PODNL1: variants seen among roughly 807,000 people sequenced by gnomAD.
PODNL1 encodes podocan like 1.
In PODNL1, 50 loss-of-function variants were observed where a neutral mutation model predicts 45.1. The observed-to-expected ratio is 1.11, with a 90% CI of 0.88 to 1.40. The LOEUF (loss-of-function observed/expected upper bound fraction) is 1.40, where lower values mean the gene tolerates loss of function less well. Among genes scored for constraint, PODNL1 ranks in the 40% most tolerant of loss-of-function variants. The pLI, the probability that PODNL1 is intolerant of heterozygous loss-of-function variation, is 0.00. For missense variants in PODNL1, 788 were observed against 793.3 expected, an observed-to-expected ratio of 0.99 and a Z score of 0.08; for synonymous variants, 406 against 372.5, an observed-to-expected ratio of 1.09 and a Z score of -1.04.
chr19:13,942,334 A>G (rs151293959), upstream of PODNL1, among the ~76,000 whole-genome samples: 520 of 152,270 alleles, frequency 3.4e-3, 3 homozygotes, highest in African/African-American at 0.012. Context: ...ACATTCCCAG[A>G]ACCAATAAGC....
chr19:13,934,450 C>T, intron 5 of PODNL1, 40 bp from the exon 6 acceptor site: 1 of 1,462,002 alleles, frequency 6.8e-7, no homozygotes, highest in South Asian at 1.4e-5. Flanking sequence ...CTGCCCCTCG[C>T]CTCCTACCAC....
At chr19:13,937,571 G>A (rs917677320) in intron 2 of PODNL1, among the ~76,000 whole-genome samples, 2 of 151,610 alleles carry the variant, frequency 1.3e-5, no homozygotes, top group Non-Finnish European at 2.9e-5. Flanking sequence ...CTCAGTCCCC[G>A]ACAACTTCCA....
chr19:13,935,650 A>G (rs1398270734), intron 5 of PODNL1, 71 bp downstream of exon 5: 1 of 1,206,438 alleles, frequency 8.3e-7, no homozygotes, highest in East Asian at 2.6e-5. Context: ...TAACTCCCTC[A>G]TTGCTCCTAG....
Position 13,933,171 on chromosome 19 carries a change from C to T in PODNL1, c.1052G>A (p.Arg351His), listed in dbSNP as rs760980835. The change falls in exon 8 of 10, where the codon CGC becomes CAC. Residue 351 changes from arginine to histidine, a missense_variant. Coordinates refer to ENST00000588872, the MANE Select transcript of PODNL1 (RefSeq NM_001370095.3). This position sits in a 1 kb window ranked among gnomAD's most constrained non-coding sequence, Gnocchi z 5.2. ...GLDRVPPALP[R>H]RLRALVLPHN... is the part of the protein sequence containing the mutation. ...GGGCAGCACCAGGGCACGCAGGCGG[C>T]GGGGCAGGGCTGGAGGCACGCGGTC... 1.7e-5 allele frequency: 26 copies of T among 1,532,000 alleles called. No individual in the cohort carries two copies. In the East Asian group the frequency reaches 2.7e-4, roughly 16 times the overall value. 94.9% of individuals were successfully genotyped at this position (1,532,000 alleles called of 1,614,324 possible).
At chr19:13,948,130 G>A (rs1415052957) in intron 1 of PODNL1, among the ~76,000 whole-genome samples, 1 of 151,984 alleles carries the variant, frequency 6.6e-6, no homozygotes, top group Non-Finnish European at 1.5e-5. Context: ...TCCTGCCTTG[G>A]TCTTCCAAAG....
chr19:13,939,272 C>T (rs1034651662), upstream of PODNL1, among the ~76,000 whole-genome samples: 10 of 152,154 alleles, frequency 6.6e-5, no homozygotes, highest in Non-Finnish European at 1.2e-4. Flanking sequence ...AGGGCAGTGG[C>T]GTGATCTCGG....
chr19:13,952,894 G>A lies in PODNL1; in HGVS notation c.18+225C>T, dbSNP rs554514332. ...CTGGGATGGAGGGGGTTGGGGGCGG[G>A]GCCCCAGGGAGGGGGCTCGGAGGGA... On this transcript the variant is annotated intron_variant, in intron 1 of 7. Transcript: ENST00000538371. 4 of 785,256 alleles carry A rather than the reference G, an allele frequency of 5.1e-6. No homozygotes were observed. The Admixed American group carries it at 9.4e-5, about 18-fold the overall frequency. 48.6% of individuals were successfully genotyped at this position (785,256 alleles called of 1,614,324 possible). A position where few individuals can be genotyped will look rare whatever the true frequency, so the allele number is the denominator to read the frequency against.
chr19:13,953,357 C>T, exon 1 of PODNL1: 1 of 504,864 alleles, frequency 2.0e-6, no homozygotes, highest in Non-Finnish European at 3.5e-6. Context: ...AGGGACTGCG[C>T]CTTCTCCGTG....
At chr19:13,952,964 T>G in intron 1 of PODNL1, 1 of 969,142 alleles carries the variant, frequency 1.0e-6, no homozygotes, top group African/African-American at 1.7e-5. Flanking sequence ...AAGGGGGCGA[T>G]CCAGGCTTTT....
chr19:13,933,900 C>A lies in PODNL1; in HGVS notation c.745G>T (p.Gly249Cys). ...TACCTGAAGGTGGTGGCATCCAGGC[C>A]ACTGTCTGTCAGCTGGTTGTGCTGG... is the stretch of plus-strand genomic sequence containing the variant. Reference protein sequence around the residue: ...YLQHNQLTDSGLDATTFSKLH... With the variant: ...YLQHNQLTDSCLDATTFSKLH... Residue 249 changes from glycine (G) to cysteine (C), a missense_variant, in exon 7 of 10, where the codon GGC (glycine) becomes TGC (cysteine). By Grantham distance (159) the Gly-to-Cys change is radical. Coordinates refer to ENST00000588872, the MANE Select transcript of PODNL1 (RefSeq NM_001370095.3). This position sits in a 1 kb window ranked among gnomAD's most constrained non-coding sequence, Gnocchi z 5.2. The A allele has an allele frequency of 6.2e-7, 1 of 1,610,588 alleles. No individual in the cohort carries two copies. Among genetic ancestry groups the A allele is most frequent in the South Asian group, 1.1e-5 (1 of 90,226 alleles).
chr19:13,952,539 G>C, intron 1 of PODNL1: 2 of 1,260,396 alleles, frequency 1.6e-6, no homozygotes, highest in Non-Finnish European at 2.0e-6. Flanking sequence ...AATCGGAGCG[G>C]AACAGCGGGG....
rs1468441797 is a variant in PODNL1 at position 13,936,024 on chromosome 19, C to T, written c.340G>A (p.Glu114Lys). ...SSEGLPDEAF[E>K]SLTQLQHLCV... ...AGGTGCTGCAGCTGGGTGAGGGACT[C>T]GAAGGCCTCGTCAGGCAGGCCTGGG... is the stretch of plus-strand genomic sequence containing the variant. The change falls in exon 4 of 10, where the codon GAG (glutamate) becomes AAG (lysine). Residue 114 changes from glutamate (E) to lysine (K), a missense_variant. Glu to Lys is a moderately conservative substitution (Grantham distance 56). Around this residue, in one of 3 missense-constraint regions of PODNL1, gnomAD observed 762 missense variants for 750.9 expected, o/e 1.01. Coordinates refer to ENST00000588872, the MANE Select transcript of PODNL1 (RefSeq NM_001370095.3). 2 of 1,551,578 alleles carry T rather than the reference C, an allele frequency of 1.3e-6. No individual in the cohort carries two copies. Among genetic ancestry groups the T allele is most frequent in the Non-Finnish European group, 8.7e-7 (1 of 1,148,444 alleles).
chr19:13,935,940 C>T (rs1178262891), intron 4 of PODNL1, 40 bp downstream of exon 4: 2 of 1,547,332 alleles, frequency 1.3e-6, no homozygotes, highest in African/African-American at 2.7e-5. Flanking sequence ...GAAGCTGCAC[C>T]CTCACTGGGC....
At chr19:13,932,768 G>T (rs1283830410) in intron 8 of PODNL1, 30 bp downstream of exon 8, 1 of 1,612,838 alleles carries the variant, frequency 6.2e-7, no homozygotes, top group Non-Finnish European at 8.5e-7. Context: ...GGGCCCTGGG[G>T]ACAGTGTGGC....
chr19:13,934,588 G>A (rs973993865), intron 5 of PODNL1, among the ~76,000 whole-genome samples, 178 bp from the exon 6 acceptor site: 15 of 152,082 alleles, frequency 9.9e-5, no homozygotes, highest in Admixed American at 4.6e-4. Context: ...GTGACTGTGC[G>A]TAGGTGTGCA....
In PODNL1 at chr19:13,937,806, G is replaced by C. The variant is rs745517943; in HGVS notation, c.204C>G (p.Ala68=). ...CCACCTGCAGGGAGAGGTGCTGAGC[G>C]GCTCTGGTGATGTTGTCCGGGAACA... ...LRVFPDNITR[A]AQHLSLQNNQ... Residue 68 remains alanine (A), a synonymous_variant, in exon 2 of 10, where the codon GCC becomes GCG. Coordinates refer to ENST00000588872, the MANE Select transcript of PODNL1 (RefSeq NM_001370095.3). The C allele has an allele frequency of 6.3e-7, 1 of 1,590,274 alleles. No homozygotes were observed. The highest frequency in any genetic ancestry group is 1.8e-5 in the Admixed American group (1 of 55,430).
intron 1 of PODNL1, among the ~76,000 whole-genome samples, chr19:13,947,492 AG>A (rs771598986): frequency 3.4e-5 from 5 of 149,074 alleles, no homozygotes; most frequent in African/African-American, 1.3e-4. Context: ...AAAAAAAAAA[AG>A]AAAAAAAAAA....
At chr19:13,935,687 G>C (rs187797307) in intron 5 of PODNL1, 34 bp downstream of exon 5, 1 of 1,449,546 alleles carries the variant, frequency 6.9e-7, no homozygotes, top group East Asian at 2.4e-5. Context: ...AGATGTATCT[G>C]AGGCCTGGGG....
intron 1 of PODNL1, 25 bp from the exon 2 acceptor site, chr19:13,938,031 G>T: frequency 3.4e-6 from 5 of 1,480,648 alleles, no homozygotes; most frequent in Non-Finnish European, 4.6e-6. Flanking sequence ...GGGTCAGCGT[G>T]TCTCCAGGCT....
Sources: gnomAD v4.1 joint callset for allele counts (sites outside exome capture counted in the v4.1 genomes callset) on GRCh38, gnomAD v4.1.1 for gene constraint, gnomAD v4.1.1 regional missense constraint, Gnocchi (gnomAD v3.1) non-coding constraint, MANE v1.5 for transcripts, NCBI Gene and HGNC (gene_info 2026-07-23, HGNC 2026-07-21) for gene names.